PDE4B: variants seen among roughly 807,000 people sequenced by gnomAD.
The protein encoded by PDE4B is 3',5'-cyclic-AMP phosphodiesterase 4B.
In PDE4B, 20 loss-of-function variants were observed where a neutral mutation model predicts 82.2. The observed-to-expected ratio is 0.24, with a 90% CI of 0.17 to 0.35. The LOEUF is 0.35. PDE4B is among the 10% of genes least tolerant of loss of function. The pLI is 1.00. For missense variants in PDE4B, 655 were observed against 907.2 expected, an observed-to-expected ratio of 0.72 and a Z score of 3.57; for synonymous variants, 320 against 318.9, an observed-to-expected ratio of 1.00 and a Z score of -0.04.
intron 7 of PDE4B, among the ~76,000 whole-genome samples, chr1:66,269,923 TA>T (rs1373501590): frequency 2.0e-5 from 3 of 152,240 alleles, no homozygotes; most frequent in Non-Finnish European, 2.9e-5. Context: ...GCCAATTTGA[TA>T]CATAAGGTGG....
intron 3 of PDE4B, among the ~76,000 whole-genome samples, chr1:66,192,699 A>T (rs964949366): frequency 3.3e-5 from 5 of 152,126 alleles, no homozygotes; most frequent in African/African-American, 1.2e-4. Flanking sequence ...TATTGTCCTA[A>T]AAAAGAGTCC....
At chr1:65,849,731 T>C (rs1646308836) in intron 1 of PDE4B, among the ~76,000 whole-genome samples, 1 of 152,160 alleles carries the variant, frequency 6.6e-6, no homozygotes, top group Non-Finnish European at 1.5e-5. Context: ...ACAACACAAC[T>C]GTGTGCATTT....
In PDE4B at chr1:66,372,837, A is replaced by G; in HGVS notation, c.*159A>G. On this transcript the variant is annotated 3_prime_UTR_variant, in exon 17 of 17. Transcript: ENST00000341517. ...AGTCAGAAAGCAAGACCAGGAAGCAAATAGCAGCTCAGGAAATCCCACGGT... is the reference window on the plus strand; with the variant it reads ...AGTCAGAAAGCAAGACCAGGAAGCAGATAGCAGCTCAGGAAATCCCACGGT... 1 of 660,594 alleles carries G rather than the reference A, an allele frequency of 1.5e-6. No homozygotes were observed. The highest frequency in any genetic ancestry group is 1.8e-5 in the African/African-American group (1 of 55,262). 40.9% of individuals were successfully genotyped at this position (660,594 alleles called of 1,614,324 possible).
chr1:65,986,118 G>C (rs1650941412), intron 3 of PDE4B, among the ~76,000 whole-genome samples: 1 of 152,120 alleles, frequency 6.6e-6, no homozygotes, highest in Non-Finnish European at 1.5e-5. Context: ...TAATAGCAGG[G>C]CATGATTTGA....
chr1:66,007,147 A>C (rs749127682), intron 3 of PDE4B, among the ~76,000 whole-genome samples: 1 of 152,006 alleles, frequency 6.6e-6, no homozygotes, highest in Non-Finnish European at 1.5e-5. Context: ...AAAATATATA[A>C]AAGTATAAAA....
At chr1:66,153,702 C>G (rs1646447795) in intron 3 of PDE4B, among the ~76,000 whole-genome samples, 1 of 152,192 alleles carries the variant, frequency 6.6e-6, no homozygotes, top group African/African-American at 2.4e-5. Context: ...CACAAGAACT[C>G]ATTGAACTGA....
chr1:65,868,977 T>C (rs1937461), intron 1 of PDE4B, among the ~76,000 whole-genome samples: 49,176 of 151,964 alleles, frequency 0.32, 8,108 homozygotes, highest in East Asian at 0.47. Flanking sequence ...GTCCCTGGTG[T>C]CAAAAAGGTT....
At chr1:66,224,360 A>G (rs2101613945) in intron 3 of PDE4B, among the ~76,000 whole-genome samples, 1 of 152,304 alleles carries the variant, frequency 6.6e-6, no homozygotes, top group Non-Finnish European at 1.5e-5. Flanking sequence ...AAAATTTCGG[A>G]GCTGGTCAGA....
intron 7 of PDE4B, among the ~76,000 whole-genome samples, chr1:66,268,563 G>T (rs921325684): frequency 1.6e-4 from 24 of 151,178 alleles, no homozygotes; most frequent in African/African-American, 5.6e-4. Flanking sequence ...AGCTACTCGG[G>T]AGGCTGAGGC....
chr1:66,065,937 A>G (rs1162749860), intron 3 of PDE4B, among the ~76,000 whole-genome samples: 1 of 151,794 alleles, frequency 6.6e-6, no homozygotes, highest in Middle Eastern at 3.2e-3. Flanking sequence ...CCGTAGTACA[A>G]AAAGGCTTAG....
chr1:66,348,599 G>A (rs1050991846), intron 8 of PDE4B, among the ~76,000 whole-genome samples: 1 of 151,030 alleles, frequency 6.6e-6, no homozygotes, highest in Non-Finnish European at 1.5e-5. Context: ...TATAATGAGT[G>A]TATGGCCTGG....
At chr1:66,289,273 GA>G (rs939267692) in intron 7 of PDE4B, among the ~76,000 whole-genome samples, 3 of 151,830 alleles carry the variant, frequency 2.0e-5, no homozygotes, top group East Asian at 1.9e-4. Context: ...TCTCAAGAAA[GA>G]AAAAAAGAAA....
At chr1:66,063,870 T>C (rs1655708431) in intron 3 of PDE4B, among the ~76,000 whole-genome samples, 1 of 151,982 alleles carries the variant, frequency 6.6e-6, no homozygotes, top group Non-Finnish European at 1.5e-5. Context: ...GAAGGTACTT[T>C]TGCATAAAAG....
At chr1:65,957,500 C>G (rs1298974359) in intron 3 of PDE4B, among the ~76,000 whole-genome samples, 1 of 152,080 alleles carries the variant, frequency 6.6e-6, no homozygotes, top group Non-Finnish European at 1.5e-5. Context: ...TACTCTGTCA[C>G]TCTTCAGAAA....
At chr1:66,160,920 C>G (rs555346006) in intron 3 of PDE4B, among the ~76,000 whole-genome samples, 16 of 152,310 alleles carry the variant, frequency 1.1e-4, no homozygotes, top group Non-Finnish European at 2.9e-5. Flanking sequence ...AGCAATAACT[C>G]TAGAGTGGCA....
chr1:65,886,662 A>G (rs1646780795), intron 1 of PDE4B, among the ~76,000 whole-genome samples: 1 of 152,112 alleles, frequency 6.6e-6, no homozygotes, highest in Non-Finnish European at 1.5e-5. Context: ...GGTATATTTC[A>G]CTTAACATAA....
intron 1 of PDE4B, among the ~76,000 whole-genome samples, chr1:65,805,090 G>A (rs979879919): frequency 6.6e-6 from 1 of 151,630 alleles, no homozygotes; most frequent in Non-Finnish European, 1.5e-5. Flanking sequence ...TCAGCCTCCC[G>A]AGTAGCTGGG....
Position 66,242,943 on chromosome 1 carries a change from A to G in PDE4B, c.282-4517A>G, listed in dbSNP as rs114835727. Among the ~76,000 whole-genome samples the G allele has an allele frequency of 8.8e-3, 1,340 of 152,308 alleles. 9 individuals carry two copies. The highest frequency in any genetic ancestry group is 0.013 in the Non-Finnish European group (918 of 68,026). Reference sequence around the variant, plus strand: ...CCCCAGGAATAGAAACCACCAGGAGAATAACTGTGGGCCAGAGAACGTTCC... The same window carrying G: ...CCCCAGGAATAGAAACCACCAGGAGGATAACTGTGGGCCAGAGAACGTTCC... On this transcript the variant is annotated intron_variant, in intron 3 of 16. Coordinates refer to ENST00000341517, the MANE Select transcript of PDE4B (RefSeq NM_002600.4).
chr1:65,822,315 A>AT (rs1008871209), intron 1 of PDE4B, among the ~76,000 whole-genome samples: 6 of 152,030 alleles, frequency 3.9e-5, no homozygotes, highest in African/African-American at 7.2e-5. Context: ...GTTTTCGGTG[A>AT]TTTTTTTTGG....
Sources: gnomAD v4.1 joint callset for allele counts (sites outside exome capture counted in the v4.1 genomes callset) on GRCh38, gnomAD v4.1.1 for gene constraint, MANE v1.5 for transcripts, NCBI Gene and HGNC (gene_info 2026-07-23, HGNC 2026-07-21) for gene names.